The following NOMO1 variants were observed in gnomAD, a reference collection of about 807,000 sequenced individuals.
The protein encoded by NOMO1 is NODAL modulator 1, also known as nodal modulator 3.
NOMO1 carries 40 observed loss-of-function variants against 133.8 expected under a neutral mutation model. The ratio of observed to expected loss-of-function variants is 0.30; its 90% CI spans 0.23 to 0.39. NOMO1 has a LOEUF of 0.39. NOMO1 is among the 10% of genes least tolerant of loss of function. NOMO1 has a pLI of 1.00. For missense variants in NOMO1, 462 were observed against 1,419.9 expected (o/e 0.33, Z 10.84); for synonymous variants, 236 against 570.5 (o/e 0.41, Z 8.36).
chr16:14,867,273 C>T (rs1408654549), intron 15 of NOMO1, among the ~76,000 whole-genome samples: 35 of 82,800 alleles, frequency 4.2e-4, no homozygotes, highest in African/African-American at 1.2e-3. Context: ...CTGAAACCTC[C>T]GCCTCCCGAG....
chr16:14,893,590 C>A (rs920710805), intron 29 of NOMO1, among the ~76,000 whole-genome samples: 7 of 151,904 alleles, frequency 4.6e-5, no homozygotes, highest in Non-Finnish European at 1.0e-4. Flanking sequence ...GAAATCTGTT[C>A]CTGCCCTTAT....
intron 5 of NOMO1, among the ~76,000 whole-genome samples, chr16:14,847,878 G>T (rs952313468): frequency 1.3e-5 from 2 of 151,804 alleles, no homozygotes; most frequent in Non-Finnish European, 2.9e-5. Flanking sequence ...GCCTCTCCAG[G>T]CCTGGTGTGT....
rs576125550 is a variant in NOMO1, at chr16:14,867,813, G to A, written c.1807-735G>A. The stretch of plus-strand genomic sequence containing the variant: ...GTTATAGGAGATCGATTAATATCCG[G>A]TTCATAATAAGTGATAGATATTTAG... On this transcript the variant is annotated intron_variant, in intron 15 of 30. Transcript: ENST00000287667. Among the ~76,000 whole-genome samples, 282 of 147,458 alleles carry A rather than the reference G, an allele frequency of 1.9e-3. 3 individuals carry two copies. The highest frequency in any genetic ancestry group is 4.9e-3 in the African/African-American group (198 of 40,278).
Position 14,891,968 on chromosome 16 carries a change from T to G in NOMO1, c.3444+2753T>G, listed in dbSNP as rs141535933. ...AGAAAGTGCCGGAGAGGGCTAGGTG[T>G]GGTGGCTCACGCCTGTAATCCCAGC... On this transcript the variant is annotated intron_variant, in intron 29 of 30. Coordinates refer to ENST00000287667, the MANE Select transcript of NOMO1 (RefSeq NM_014287.4). 4.3e-3 allele frequency among the ~76,000 whole-genome samples: 660 copies of G among 152,124 alleles called. 6 individuals are homozygous for G. The highest frequency in any genetic ancestry group is 6.5e-3 in the Non-Finnish European group (442 of 67,978).
chr16:14,853,633 A>G, intron 8 of NOMO1, 29 bp downstream of exon 8: 4 of 1,611,562 alleles, frequency 2.5e-6, no homozygotes, highest in Non-Finnish European at 3.4e-6. Context: ...CGTTCTGTTT[A>G]TGTCTGAGAC....
At chr16:14,868,886 T>G (rs1358700820) in intron 16 of NOMO1, among the ~76,000 whole-genome samples, 12 of 151,382 alleles carry the variant, frequency 7.9e-5, no homozygotes, top group Admixed American at 7.9e-4. Context: ...ATTTGAATCA[T>G]TTCCCACTTT....
chr16:14,875,837 T>G (rs1333298043), intron 20 of NOMO1, among the ~76,000 whole-genome samples: 3 of 151,800 alleles, frequency 2.0e-5, no homozygotes, highest in East Asian at 1.9e-4. Context: ...GGTCTTTTTT[T>G]GGGGAATGGA....
rs1332490449 is a variant in NOMO1 at position 14,853,511 on chromosome 16, C to G, written c.780C>G (p.Pro260=). Residue 260 remains proline (P), a synonymous_variant, in exon 8 of 31, where the codon CCC becomes CCG. Coordinates refer to ENST00000287667, the MANE Select transcript of NOMO1 (RefSeq NM_014287.4). ...CNVSPVPGFQ[P]QDESLVYLCY... is the part of the protein sequence containing the mutation. The stretch of plus-strand genomic sequence containing the variant: ...TCTCACCAGTGCCTGGGTTCCAGCC[C>G]CAAGACGAGAGTCTGGTGTATTTGT... The G allele has an allele frequency of 2.3e-5, 36 of 1,598,462 alleles. No individual in the cohort carries two copies. The highest frequency in any genetic ancestry group is 3.1e-5 in the Non-Finnish European group (36 of 1,175,818).
intron 7 of NOMO1, 104 bp from the exon 8 acceptor site, chr16:14,853,363 T>C: frequency 1.3e-6 from 1 of 757,336 alleles, no homozygotes. Flanking sequence ...AATACATATA[T>C]TGACATGAAA....
chr16:14,841,968 C>T (rs2856523), intron 3 of NOMO1, among the ~76,000 whole-genome samples: 31 of 151,724 alleles, frequency 2.0e-4, no homozygotes, highest in Middle Eastern at 3.4e-3. Flanking sequence ...GGTACTTGGA[C>T]GATTAATAAA....
At chr16:14,836,694 C>CT (rs954619401) in intron 1 of NOMO1, among the ~76,000 whole-genome samples, 2,138 of 131,202 alleles carry the variant, frequency 0.016, 44 homozygotes, top group African/African-American at 0.024. Context: ...TTCCATTTTA[C>CT]TTTTTTTTTT....
At chr16:14,855,488 G>A (rs1435764332) in intron 9 of NOMO1, among the ~76,000 whole-genome samples, 1 of 151,818 alleles carries the variant, frequency 6.6e-6, no homozygotes, top group Non-Finnish European at 1.5e-5. Flanking sequence ...ACATTTGAAA[G>A]TACTGTGTTA....
At chr16:14,872,061 A>G (rs897551450) in intron 17 of NOMO1, among the ~76,000 whole-genome samples, 173 bp from the exon 18 acceptor site, 4 of 151,974 alleles carry the variant, frequency 2.6e-5, no homozygotes, top group African/African-American at 9.7e-5. Flanking sequence ...TGTGGAGTGG[A>G]GAATTAGTTT....
intron 2 of NOMO1, 124 bp downstream of exon 2, chr16:14,838,620 T>C: frequency 1.1e-6 from 1 of 909,142 alleles, no homozygotes. Context: ...TAGTGGAATA[T>C]GATAATCCTA....
intron 14 of NOMO1, among the ~76,000 whole-genome samples, chr16:14,865,877 C>G (rs1365813497): frequency 8.5e-6 from 1 of 117,366 alleles, no homozygotes; most frequent in African/African-American, 3.6e-5. Flanking sequence ...TATGGATTCT[C>G]TATGGCTGCT....
At chr16:14,848,110 G>C (rs569134806) in intron 5 of NOMO1, among the ~76,000 whole-genome samples, 1 of 152,184 alleles carries the variant, frequency 6.6e-6, no homozygotes, top group African/African-American at 2.4e-5. Flanking sequence ...TTGCAGGCAA[G>C]ATTTGACACA....
Position 14,863,056 on chromosome 16 carries a change from AC to A in NOMO1, c.1266del (p.Val423SerfsTer4), listed in dbSNP as rs780478181. ...GQISIIRFPD[T>X]VKQMNKYKVV... ...GATATCAATCATTCGCTTCCCCGAC[AC>A]CGTCAAGCAGATGAATAAATACAAA... On this transcript the variant is annotated frameshift_variant, in exon 12 of 31. Transcript: ENST00000287667. LOFTEE classifies it high-confidence loss of function. 1.2e-6 allele frequency: 2 copies of A among 1,610,922 alleles called. No homozygotes were observed. Among genetic ancestry groups the A allele is most frequent in the East Asian group, 4.5e-5 (2 of 44,762 alleles).
chr16:14,882,559 C>G (rs780340959), intron 25 of NOMO1, 35 bp from the exon 26 acceptor site: 1 of 1,611,396 alleles, frequency 6.2e-7, no homozygotes, highest in African/African-American at 1.3e-5. Context: ...GACAAGCCCC[C>G]TTTCTAGAGA....
At chr16:14,880,413 C>T (rs1433380310) in intron 24 of NOMO1, among the ~76,000 whole-genome samples, 2 of 151,818 alleles carry the variant, frequency 1.3e-5, no homozygotes, top group East Asian at 3.9e-4. Context: ...TTTTTTGAGA[C>T]GGGGTTTCAT....
Sources: gnomAD v4.1 joint callset for allele counts (sites outside exome capture counted in the v4.1 genomes callset) on GRCh38, gnomAD v4.1.1 for gene constraint, MANE v1.5 for transcripts, NCBI Gene and HGNC (gene_info 2026-07-23, HGNC 2026-07-21) for gene names.